FAF2: variants seen among roughly 807,000 people sequenced by gnomAD.
FAF2 encodes the protein FAS-associated factor 2.
A neutral mutation model predicts 62.3 loss-of-function variants in FAF2; 9 were observed. That is an observed-to-expected ratio of 0.14 (90% CI 0.09 to 0.25). The LOEUF is 0.25. Among genes scored for constraint, FAF2 ranks in the 10% least tolerant of loss-of-function variants. The pLI, the probability that FAF2 is intolerant of heterozygous loss-of-function variation, is 1.00. For synonymous variants in FAF2, 202 were observed against 198.0 expected (o/e 1.02, Z -0.17); for missense variants, 368 against 556.2 (o/e 0.66, Z 3.40).
chr5:176,489,753 G>A (rs1178742446), intron 4 of FAF2, among the ~76,000 whole-genome samples: 1 of 152,028 alleles, frequency 6.6e-6, no homozygotes, highest in African/African-American at 2.4e-5. Context: ...CATTTTGTTG[G>A]CCAGGCTGAT....
rs1328325379 is a variant in FAF2, at chr5:176,507,342, C to T, written c.*392C>T. 2.2e-6 allele frequency: 1 copy of T among 453,592 alleles called. No homozygotes were observed. The highest frequency in any genetic ancestry group is 1.6e-5 in the South Asian group (1 of 63,886). The allele number at this position is 453,592 out of a possible 1,614,324, so 28.1% of individuals were successfully genotyped here. The stretch of plus-strand genomic sequence containing the variant: ...ATGAAAAATAAAAGTGAAAAACCTC[C>T]ATCAACCAGCTACTTGCAGCATCTC... On this transcript the variant is annotated 3_prime_UTR_variant, in exon 11 of 11. Coordinates refer to ENST00000261942, the MANE Select transcript of FAF2 (RefSeq NM_014613.3).
At chr5:176,456,897 C>G (rs1581467654) in intron 1 of FAF2, among the ~76,000 whole-genome samples, 1 of 152,114 alleles carries the variant, frequency 6.6e-6, no homozygotes, top group Non-Finnish European at 1.5e-5. Context: ...ATAGTTATAT[C>G]TTGGAAAGGT....
chr5:176,495,773 A>G (rs1244275747), intron 7 of FAF2, among the ~76,000 whole-genome samples: 1 of 150,612 alleles, frequency 6.6e-6, no homozygotes, highest in African/African-American at 2.4e-5. Flanking sequence ...CCGCCTCCCA[A>G]AAGTGCTAGG....
At chr5:176,460,254 G>A (rs1302075719) in intron 1 of FAF2, among the ~76,000 whole-genome samples, 1 of 152,128 alleles carries the variant, frequency 6.6e-6, no homozygotes, top group East Asian at 1.9e-4. Flanking sequence ...CCCATTAATG[G>A]GATTGTTGGG....
At chr5:176,501,554 A>G (rs1261628224) in intron 10 of FAF2, among the ~76,000 whole-genome samples, 1 of 152,216 alleles carries the variant, frequency 6.6e-6, no homozygotes, top group Non-Finnish European at 1.5e-5. Flanking sequence ...AGTGAGCCAG[A>G]TACTCTAGGG....
At chr5:176,491,127 C>A (rs1758965128) in intron 4 of FAF2, among the ~76,000 whole-genome samples, 1 of 152,142 alleles carries the variant, frequency 6.6e-6, no homozygotes, top group Non-Finnish European at 1.5e-5. Flanking sequence ...CTTGTCTGTG[C>A]TGAAAACGTT....
Position 176,497,872 on chromosome 5 carries a change from G to A in FAF2, c.840-1042G>A, listed in dbSNP as rs144859271. Among the ~76,000 whole-genome samples the A allele has an allele frequency of 1.1e-4, 16 of 152,294 alleles. No homozygotes were observed. The East Asian group carries it at 1.7e-3, about 17-fold the overall frequency. On this transcript the variant is annotated intron_variant, in intron 8 of 10. Transcript: ENST00000261942. ...TATTAGAAAAATGCAGAATCAGGCC[G>A]AGCATGTTGGCTCATACCTGTAATC... is the stretch of plus-strand genomic sequence containing the variant.
rs2113737247 is a variant in FAF2, at chr5:176,486,498, T to C, written c.267+9T>C. 3.7e-6 allele frequency: 6 copies of C among 1,613,802 alleles called. No individual in the cohort carries two copies. In the East Asian group the frequency reaches 1.3e-4, roughly 36 times the overall value. ...CAAGACCTCAACCAAGGGCAAGTTA[T>C]TTCATAGCTGGGATTTCCCCCTTTT... On this transcript the variant is annotated intron_variant, in intron 3 of 10. Coordinates refer to ENST00000261942, the MANE Select transcript of FAF2 (RefSeq NM_014613.3).
intron 2 of FAF2, among the ~76,000 whole-genome samples, chr5:176,484,291 A>C (rs1294602476): frequency 1.3e-5 from 2 of 152,180 alleles, no homozygotes; most frequent in African/African-American, 4.8e-5. Context: ...TAAGTGGAAG[A>C]TTCCAGAAAT....
intron 2 of FAF2, among the ~76,000 whole-genome samples, chr5:176,479,461 C>T (rs554244089): frequency 1.3e-5 from 2 of 152,052 alleles, no homozygotes; most frequent in South Asian, 4.2e-4. Flanking sequence ...AATATAGTGC[C>T]CCACCCCCTA....
At chr5:176,484,999 G>A (rs1758848788) in intron 2 of FAF2, among the ~76,000 whole-genome samples, 1 of 152,074 alleles carries the variant, frequency 6.6e-6, no homozygotes. Flanking sequence ...TGTGAAGAAA[G>A]AAAAAGAAAT....
In FAF2 at chr5:176,486,335, C is replaced by T. The variant is rs1307557092; in HGVS notation, c.133-20C>T. On this transcript the variant is annotated intron_variant, in intron 2 of 10. Transcript: ENST00000261942. ...ATTTGAGCATCGCTGAAACTCTTGC[C>T]ACTCCGTTTTCCTTCTCAGGCTGCT... The T allele has an allele frequency of 6.2e-7, 1 of 1,609,740 alleles. No homozygotes were observed. Among genetic ancestry groups the T allele is most frequent in the Admixed American group, 1.7e-5 (1 of 58,692 alleles).
At chr5:176,497,596 C>CT (rs1263609974) in intron 8 of FAF2, among the ~76,000 whole-genome samples, 1 of 152,050 alleles carries the variant, frequency 6.6e-6, no homozygotes, top group Non-Finnish European at 1.5e-5. Context: ...CCAGGCCACT[C>CT]TCGTTGGATT....
At chr5:176,505,670 G>A (rs769218474) in intron 10 of FAF2, among the ~76,000 whole-genome samples, 1 of 151,982 alleles carries the variant, frequency 6.6e-6, no homozygotes, top group Non-Finnish European at 1.5e-5. Context: ...TTGCCTTTGC[G>A]TCCTCATAGC....
chr5:176,499,211 A>C (rs1755551276), intron 9 of FAF2, 126 bp downstream of exon 9: 1 of 879,266 alleles, frequency 1.1e-6, no homozygotes, highest in South Asian at 5.1e-5. Context: ...AAAAAAAAGG[A>C]AAAAGGAAAG....
chr5:176,500,899 G>C (rs948782904), intron 10 of FAF2, among the ~76,000 whole-genome samples: 1 of 152,196 alleles, frequency 6.6e-6, no homozygotes, highest in African/African-American at 2.4e-5. Flanking sequence ...GGCCGAGGTA[G>C]GTGGATCATT....
chr5:176,465,148 C>T (rs1758441220), intron 1 of FAF2, among the ~76,000 whole-genome samples: 1 of 152,072 alleles, frequency 6.6e-6, no homozygotes, highest in Admixed American at 6.6e-5. Flanking sequence ...GCTTCAGCCT[C>T]CCAAAGTGCT....
At chr5:176,476,740 C>A (rs1231713795) in intron 1 of FAF2, among the ~76,000 whole-genome samples, 1 of 146,494 alleles carries the variant, frequency 6.8e-6, no homozygotes, top group East Asian at 2.0e-4. Context: ...TCAAGCGATT[C>A]CCCCACCACA....
At chr5:176,501,090 G>A (rs1314427835) in intron 10 of FAF2, among the ~76,000 whole-genome samples, 1 of 151,736 alleles carries the variant, frequency 6.6e-6, no homozygotes, top group African/African-American at 2.4e-5. Flanking sequence ...TTGCAGCACT[G>A]CACTCCAGCC....
Sources: gnomAD v4.1 joint callset for allele counts (sites outside exome capture counted in the v4.1 genomes callset) on GRCh38, gnomAD v4.1.1 for gene constraint, MANE v1.5 for transcripts, NCBI Gene and HGNC (gene_info 2026-07-23, HGNC 2026-07-21) for gene names.